The following UBE2F variants were observed in gnomAD, a reference collection of about 807,000 sequenced individuals.
UBE2F encodes the protein ubiquitin conjugating enzyme E2 F (putative), also known as NEDD8-conjugating enzyme UBE2F.
A neutral mutation model predicts 29.6 loss-of-function variants in UBE2F; 5 were observed. The ratio of observed to expected loss-of-function variants is 0.17; its 90% CI spans 0.09 to 0.36. UBE2F has a LOEUF of 0.36. Among genes scored for constraint, UBE2F ranks in the 10% least tolerant of loss-of-function variants. The pLI, the probability that UBE2F is intolerant of heterozygous loss-of-function variation, is 1.00. For missense variants in UBE2F, 141 were observed against 228.5 expected, an observed-to-expected ratio of 0.62 and a Z score of 2.47; for synonymous variants, 66 against 81.8, an observed-to-expected ratio of 0.81 and a Z score of 1.04.
chr2:238,000,171 C>T (rs1052859679), intron 4 of UBE2F, among the ~76,000 whole-genome samples: 2 of 152,128 alleles, frequency 1.3e-5, no homozygotes, highest in African/African-American at 2.4e-5. Context: ...ATATTGATGT[C>T]GCCTTTTTCA....
At chr2:238,038,451 T>C (rs1358906920) in intron 9 of UBE2F, among the ~76,000 whole-genome samples, 1 of 152,204 alleles carries the variant, frequency 6.6e-6, no homozygotes, top group Non-Finnish European at 1.5e-5. Flanking sequence ...TGGGCAAATG[T>C]GCCCCTTGGC....
intron 3 of UBE2F, 47 bp downstream of exon 3, chr2:237,988,039 G>T: frequency 8.4e-7 from 1 of 1,196,326 alleles, no homozygotes; most frequent in South Asian, 1.6e-5. Context: ...ATAATTGCAT[G>T]AAGAAAACTT....
chr2:237,991,609 C>CTTTTTTTCTTTTTTTTTTTTTTTTT (rs2063591208), intron 3 of UBE2F, among the ~76,000 whole-genome samples: 1 of 53,054 alleles, frequency 1.9e-5, no homozygotes, highest in Non-Finnish European at 3.5e-5. Context: ...TTCTTTCTTT[C>CTTTTTTTCTTTTTTTTTTTTTTTTT]TTTTTTTTTT....
In UBE2F at chr2:237,982,379, C is replaced by T. The variant is rs1412365817; in HGVS notation, c.119-5584C>T. On this transcript the variant is annotated intron_variant, in intron 2 of 9. Coordinates refer to ENST00000272930, the MANE Select transcript of UBE2F (RefSeq NM_080678.3). This position sits in a 1 kb window ranked among gnomAD's most constrained non-coding sequence, Gnocchi z 4.1. The stretch of plus-strand genomic sequence containing the variant: ...GTCAGTGGCCTCACTCTTCATTGTC[C>T]GTCTGTGCCCAGACCTCACCTCTTC... Among the ~76,000 whole-genome samples, 3 of 152,212 alleles carry T rather than the reference C, an allele frequency of 2.0e-5. No homozygotes were observed. The highest frequency in any genetic ancestry group is 4.8e-5 in the African/African-American group (2 of 41,466).
intron 3 of UBE2F, among the ~76,000 whole-genome samples, chr2:237,991,929 G>C (rs978953321): frequency 2.7e-5 from 4 of 150,484 alleles, no homozygotes; most frequent in African/African-American, 9.8e-5. Context: ...GAAGTGGCAC[G>C]ATCTCAGCTC....
intron 2 of UBE2F, among the ~76,000 whole-genome samples, chr2:237,977,658 G>C (rs556103595): frequency 3.3e-5 from 5 of 152,270 alleles, no homozygotes; most frequent in African/African-American, 9.6e-5. Flanking sequence ...TGGTGCTGTG[G>C]AGGCTGCTGT....
At chr2:237,972,013 C>G (rs1034328709) in intron 1 of UBE2F, among the ~76,000 whole-genome samples, 1 of 152,192 alleles carries the variant, frequency 6.6e-6, no homozygotes, top group African/African-American at 2.4e-5. Flanking sequence ...AGGGGCATCA[C>G]CTGTGTTTGG....
intron 1 of UBE2F, among the ~76,000 whole-genome samples, chr2:237,971,639 T>A (rs1256046283): frequency 6.6e-6 from 1 of 152,166 alleles, no homozygotes; most frequent in Non-Finnish European, 1.5e-5. Flanking sequence ...CAAATATTTG[T>A]CCTCAGTCAA....
intron 5 of UBE2F, among the ~76,000 whole-genome samples, chr2:238,017,060 T>C (rs1480252762): frequency 1.3e-5 from 2 of 152,226 alleles, no homozygotes; most frequent in Non-Finnish European, 2.9e-5. Flanking sequence ...AGTTTCATGT[T>C]AATCCCTCAA....
intron 5 of UBE2F, among the ~76,000 whole-genome samples, chr2:238,019,956 G>A (rs930941507): frequency 6.6e-6 from 1 of 152,130 alleles, no homozygotes; most frequent in Non-Finnish European, 1.5e-5. Flanking sequence ...ACTGAACCCA[G>A]CCTCCTGTTC....
At chr2:238,032,450 AC>A in intron 8 of UBE2F, 196 bp downstream of exon 8, 2 of 547,538 alleles carry the variant, frequency 3.7e-6, no homozygotes, top group Non-Finnish European at 6.5e-6. Context: ...CCCCATCTCT[AC>A]AAAAAATAGA....
intron 9 of UBE2F, among the ~76,000 whole-genome samples, chr2:238,037,041 C>T (rs920227435): frequency 6.6e-6 from 1 of 152,118 alleles, no homozygotes; most frequent in Non-Finnish European, 1.5e-5. Flanking sequence ...TTTAGGACAG[C>T]ACCCTGAGCT....
intron 3 of UBE2F, among the ~76,000 whole-genome samples, chr2:237,991,605 C>CTTTTTTTTTTTTTTTT (rs1559207747): frequency 4.0e-5 from 1 of 25,020 alleles, no homozygotes. Context: ...TCTTTTCTTT[C>CTTTTTTTTTTTTTTTT]TTTCTTTTTT....
intron 5 of UBE2F, among the ~76,000 whole-genome samples, chr2:238,017,344 A>AG (rs756199510): frequency 1.5e-4 from 23 of 152,208 alleles, no homozygotes; most frequent in Non-Finnish European, 2.9e-4. Context: ...GCCCAGAACC[A>AG]GGGGAGGGTA....
intron 5 of UBE2F, among the ~76,000 whole-genome samples, chr2:238,023,285 T>G (rs1333310506): frequency 1.3e-5 from 2 of 152,216 alleles, no homozygotes; most frequent in Non-Finnish European, 2.9e-5. Flanking sequence ...AGTTCCTCCT[T>G]TCTATTAAAT....
At chr2:237,973,806 A>G (rs762294300) in intron 2 of UBE2F, 18 of 630,356 alleles carry the variant, frequency 2.9e-5, no homozygotes, top group African/African-American at 7.9e-5. Flanking sequence ...GTATGCGTGC[A>G]TGCAGATATG....
rs1013969552 is a variant in UBE2F at position 237,986,181 on chromosome 2, C to T, written c.119-1782C>T. ...TTTGAGACGGGGTCTCACTCTGTCA[C>T]GTAGAGTGAGTGGTGTAGAGCGCAG... On this transcript the variant is annotated intron_variant, in intron 2 of 9. Coordinates refer to ENST00000272930, the MANE Select transcript of UBE2F (RefSeq NM_080678.3). 73 of 395,436 alleles carry T rather than the reference C, an allele frequency of 1.8e-4. 1 individual carries two copies. Among genetic ancestry groups the T allele is most frequent in the African/African-American group, 1.2e-3 (53 of 44,570 alleles). 24.5% of individuals were successfully genotyped at this position (395,436 alleles called of 1,614,324 possible). A position where few individuals can be genotyped will look rare whatever the true frequency, so the allele number is the denominator to read the frequency against.
At chr2:237,998,772 G>T (rs1383928577) in intron 4 of UBE2F, among the ~76,000 whole-genome samples, 4 of 152,116 alleles carry the variant, frequency 2.6e-5, no homozygotes, top group African/African-American at 9.7e-5. Context: ...CACTGTATGA[G>T]AAGTTTCCAT....
At chr2:238,041,187 A>G in intron 9 of UBE2F, 101 bp from the exon 10 acceptor site, 2 of 1,156,544 alleles carry the variant, frequency 1.7e-6, no homozygotes, top group East Asian at 2.4e-5. Flanking sequence ...ACCACAGGGG[A>G]CCTTGGTGCT....
Sources: allele counts gnomAD v4.1 joint callset (sites outside exome capture counted in the v4.1 genomes callset), GRCh38; gene constraint gnomAD v4.1.1; non-coding constraint Gnocchi (gnomAD v3.1); transcripts MANE v1.5; gene names NCBI Gene and HGNC (gene_info 2026-07-23, HGNC 2026-07-21).